The following SPHKAP variants were observed in gnomAD, a reference collection of about 807,000 sequenced individuals.
SPHKAP encodes A-kinase anchor protein SPHKAP.
SPHKAP carries 67 observed loss-of-function variants against 137.5 expected under a neutral mutation model. The ratio of observed to expected loss-of-function variants is 0.49; its 90% CI spans 0.40 to 0.60. The LOEUF (loss-of-function observed/expected upper bound fraction) is 0.60. Among genes scored for constraint, SPHKAP ranks in the 20% least tolerant of loss-of-function variants. The pLI, the probability that SPHKAP is intolerant of heterozygous loss-of-function variation, is 0.00. For missense variants in SPHKAP, 2,097 were observed against 2,069.3 expected, an observed-to-expected ratio of 1.01 and a Z score of -0.26; for synonymous variants, 813 against 785.3, an observed-to-expected ratio of 1.04 and a Z score of -0.59.
intron 2 of SPHKAP, among the ~76,000 whole-genome samples, chr2:228,128,038 G>T (rs1699131795): frequency 6.6e-6 from 1 of 152,160 alleles, no homozygotes. Flanking sequence ...GCTACTAATT[G>T]ATCAAGGTGG....
In SPHKAP at chr2:228,018,862, C is replaced by T. The variant is rs1243127642; in HGVS notation, c.1992G>A (p.Arg664=). The T allele has an allele frequency of 1.9e-6, 3 of 1,614,032 alleles. No individual in the cohort carries two copies. Among genetic ancestry groups the T allele is most frequent in the Non-Finnish European group, 1.7e-6 (2 of 1,180,040 alleles). ...TGGACAGGGTATGTGCCAGTTCATT[C>T]CTGACGACATTTTCTGAGCACAGGG... ...SQTLCSENVV[R]NELAHTLSNV... is the part of the protein sequence containing the mutation. Residue 664 remains arginine, a synonymous_variant, in exon 7 of 12, where the codon AGG becomes AGA. Coordinates refer to ENST00000392056, the MANE Select transcript of SPHKAP (RefSeq NM_001142644.2).
intron 11 of SPHKAP, among the ~76,000 whole-genome samples, chr2:227,988,431 A>G (rs1332961848): frequency 6.6e-6 from 1 of 152,348 alleles, no homozygotes; most frequent in Non-Finnish European, 1.5e-5. Flanking sequence ...AAAAACAAGC[A>G]TTCTCTTTGA....
intron 5 of SPHKAP, 151 bp from the exon 6 acceptor site, chr2:228,022,117 T>C: frequency 7.6e-7 from 1 of 1,321,980 alleles, no homozygotes. Context: ...ATTAATAAAC[T>C]GCTTGAAAAA....
intron 3 of SPHKAP, among the ~76,000 whole-genome samples, chr2:228,083,807 T>A (rs987597895): frequency 6.6e-6 from 1 of 152,028 alleles, no homozygotes; most frequent in Admixed American, 6.6e-5. Context: ...CTGGAAGCCA[T>A]CATTCTCAGC....
chr2:228,004,546 C>T (rs1010074998), intron 7 of SPHKAP, among the ~76,000 whole-genome samples: 2 of 152,110 alleles, frequency 1.3e-5, no homozygotes, highest in South Asian at 4.1e-4. Context: ...TTTTTTGTGT[C>T]TCTATCTCCT....
intron 2 of SPHKAP, among the ~76,000 whole-genome samples, chr2:228,111,800 C>T (rs1698526601): frequency 6.6e-6 from 1 of 151,948 alleles, no homozygotes; most frequent in Admixed American, 6.6e-5. Flanking sequence ...CAGAGCCTGA[C>T]TTTGGATGTG....
At chr2:228,146,747 C>T (rs904884754) in intron 1 of SPHKAP, among the ~76,000 whole-genome samples, 18 of 152,198 alleles carry the variant, frequency 1.2e-4, no homozygotes, top group African/African-American at 2.7e-4. Context: ...TCTTTGTTAA[C>T]GACTGCATAA....
At chr2:228,047,061 A>G (rs78257571) in intron 3 of SPHKAP, among the ~76,000 whole-genome samples, 22 of 152,358 alleles carry the variant, frequency 1.4e-4, no homozygotes, top group African/African-American at 5.3e-4. Flanking sequence ...AACAAACAAA[A>G]GTGGAATAAC....
intron 2 of SPHKAP, among the ~76,000 whole-genome samples, chr2:228,115,643 A>G (rs10186261): frequency 0.34 from 52,061 of 151,824 alleles, 9,149 homozygotes; most frequent in East Asian, 0.5. Context: ...ATATGTAACC[A>G]GTCTCCATAT....
At chr2:228,027,359 G>A (rs1695084513) in intron 4 of SPHKAP, 125 bp downstream of exon 4, 2 of 995,118 alleles carry the variant, frequency 2.0e-6, no homozygotes, top group South Asian at 3.0e-5. Flanking sequence ...AAGGGTCGGG[G>A]AAATGGCCTG....
chr2:227,981,934 C>T (rs1164021882), intron 11 of SPHKAP, 74 bp from the exon 12 acceptor site: 56 of 1,517,464 alleles, frequency 3.7e-5, no homozygotes, highest in Admixed American at 1.3e-4. Context: ...ACCACCCTCG[C>T]GAAGCCAATG....
In SPHKAP at chr2:228,017,600, C is replaced by T; in HGVS notation, c.3254G>A (p.Ser1085Asn). The T allele has an allele frequency of 1.9e-6, 3 of 1,613,930 alleles. No individual in the cohort carries two copies. The highest frequency in any genetic ancestry group is 2.5e-6 in the Non-Finnish European group (3 of 1,180,040). ...WSRLKASSCESIPEEDSEARA... is the reference protein window; with the variant it reads ...WSRLKASSCENIPEEDSEARA... ...GGCCTCGGAGTCTTCCTCAGGAATG[C>T]TTTCGCAGCTGGAGGCCTTCAGCCG... The change falls in exon 7 of 12, where the codon AGC (serine) becomes AAC (asparagine). Residue 1085 changes from serine to asparagine, a missense_variant. Physicochemically the swap from Ser to Asn is conservative, Grantham distance 46. Transcript: ENST00000392056.
chr2:228,108,742 T>C, intron 3 of SPHKAP, 90 bp downstream of exon 3: 1 of 837,208 alleles, frequency 1.2e-6, no homozygotes, highest in Non-Finnish European at 1.9e-6. Flanking sequence ...TGGTATTTAA[T>C]GAATTATGAA....
chr2:228,167,511 A>G (rs1431406272), intron 1 of SPHKAP, among the ~76,000 whole-genome samples: 1 of 152,202 alleles, frequency 6.6e-6, no homozygotes, highest in Non-Finnish European at 1.5e-5. Context: ...AACACATTAT[A>G]TGGGGCCAAG....
Position 228,016,658 on chromosome 2 carries a change from A to G in SPHKAP, c.4196T>C (p.Leu1399Ser), listed in dbSNP as rs143578745. 6.2e-7 allele frequency: 1 copy of G among 1,613,818 alleles called. No individual in the cohort carries two copies. The highest frequency in any genetic ancestry group is 1.3e-5 in the African/African-American group (1 of 74,858). ...KTASLTNHSP[L>S]DSKKETSSCQ... ...CGAGGAAGTTTCTTTTTTAGAATCT[A>G]AAGGGCTGTGGTTTGTAAGAGAAGC... Residue 1399 changes from leucine to serine, a missense_variant, in exon 7 of 12, where the codon TTA (leucine) becomes TCA (serine). By Grantham distance (145) the Leu-to-Ser change is moderately radical. Coordinates refer to ENST00000392056, the MANE Select transcript of SPHKAP (RefSeq NM_001142644.2).
intron 3 of SPHKAP, among the ~76,000 whole-genome samples, chr2:228,087,410 A>G (rs1697573356): frequency 6.6e-6 from 1 of 152,216 alleles, no homozygotes; most frequent in African/African-American, 2.4e-5. Flanking sequence ...AAGAAATAAG[A>G]ACATGTAACC....
intron 6 of SPHKAP, 23 bp from the exon 7 acceptor site, chr2:228,020,179 C>A: frequency 4.5e-6 from 7 of 1,551,860 alleles, no homozygotes; most frequent in Non-Finnish European, 6.1e-6. Context: ...AAATGAGGGG[C>A]ACTATTACTT....
chr2:228,148,135 A>G (rs988547803), intron 1 of SPHKAP, among the ~76,000 whole-genome samples: 3 of 152,150 alleles, frequency 2.0e-5, no homozygotes, highest in African/African-American at 7.2e-5. Context: ...ACTGGAGCCC[A>G]GAGAAGAGCA....
chr2:227,986,564 A>G (rs1438150116), intron 11 of SPHKAP, among the ~76,000 whole-genome samples: 5 of 152,292 alleles, frequency 3.3e-5, no homozygotes, highest in South Asian at 2.1e-4. Flanking sequence ...CCAAAAACCT[A>G]TGGAAGTAAA....
Sources: allele counts gnomAD v4.1 joint callset (sites outside exome capture counted in the v4.1 genomes callset), GRCh38; gene constraint gnomAD v4.1.1; transcripts MANE v1.5; gene names NCBI Gene and HGNC (gene_info 2026-07-23, HGNC 2026-07-21).